ACOT7: variants seen among roughly 807,000 people sequenced by gnomAD.
The protein encoded by ACOT7 is acyl-CoA thioesterase 7, also known as cytosolic acyl coenzyme A thioester hydrolase.
ACOT7 carries 12 observed loss-of-function variants against 40.2 expected under a neutral mutation model. The observed-to-expected ratio is 0.30, with a 90% CI of 0.19 to 0.48. ACOT7 has a LOEUF of 0.48. ACOT7 is among the 20% of genes least tolerant of loss of function. ACOT7 has a pLI of 0.99. For missense variants in ACOT7, 395 were observed against 530.8 expected (o/e 0.74, Z 2.51); for synonymous variants, 228 against 219.5 (o/e 1.04, Z -0.34).
chr1:6,371,284 T>C (rs1451819628), intron 1 of ACOT7, among the ~76,000 whole-genome samples: 1 of 152,122 alleles, frequency 6.6e-6, no homozygotes, highest in African/African-American at 2.4e-5. Context: ...CCCTAGGATT[T>C]TCAGAATAGT....
intron 2 of ACOT7, among the ~76,000 whole-genome samples, chr1:6,342,483 C>T (rs1445809114): frequency 6.6e-6 from 1 of 152,212 alleles, no homozygotes; most frequent in Non-Finnish European, 1.5e-5. Context: ...GAGACAGGAC[C>T]TTGCTGTGTT....
Position 6,275,126 on chromosome 1 carries a change from C to T in ACOT7, c.1014+5976G>A, listed in dbSNP as rs796838696. On this transcript the variant is annotated intron_variant, in intron 8 of 8. Coordinates refer to ENST00000361521, the MANE Select transcript of ACOT7 (RefSeq NM_007274.4). The surrounding 1 kb of genome is among the most constrained non-coding windows in gnomAD (Gnocchi z 5.6). ...GAGGGGTTGGCGTTCCCTGAAGCCT[C>T]CGGCTTCAATGACCTGTACCCAGGC... Among the ~76,000 whole-genome samples, 3 of 152,306 alleles carry T rather than the reference C, an allele frequency of 2.0e-5. No individual in the cohort carries two copies. Among genetic ancestry groups the T allele is most frequent in the African/African-American group, 7.2e-5 (3 of 41,558 alleles).
chr1:6,387,742 C>T (rs1642462373), intron 1 of ACOT7, among the ~76,000 whole-genome samples: 1 of 152,180 alleles, frequency 6.6e-6, no homozygotes, highest in South Asian at 2.1e-4. Context: ...GGCTAAGTGG[C>T]CCACTTACAG....
intron 1 of ACOT7, among the ~76,000 whole-genome samples, chr1:6,370,484 T>C: frequency 6.8e-6 from 1 of 147,816 alleles, no homozygotes; most frequent in Non-Finnish European, 1.5e-5. Flanking sequence ...ATTATTATTA[T>C]TATTATTATT....
Position 6,358,729 on chromosome 1 carries a change from C to T in ACOT7, c.144-8863G>A, listed in dbSNP as rs1266022643. On this transcript the variant is annotated intron_variant, in intron 1 of 8. Transcript: ENST00000361521. This position sits in a 1 kb window ranked among gnomAD's most constrained non-coding sequence, Gnocchi z 4.1. ...CAGCCAGCCTGCTGGGCACAGGGGC[C>T]GAGTCCCCTCTACCCACCCTTCCCT... The T allele has an allele frequency of 4.6e-6, 6 of 1,294,536 alleles. No individual in the cohort carries two copies. The highest frequency in any genetic ancestry group is 1.3e-5 in the South Asian group (1 of 79,648). 80.2% of individuals were successfully genotyped at this position (1,294,536 alleles called of 1,614,324 possible).
At chr1:6,368,647 G>A (rs958767251) in intron 1 of ACOT7, among the ~76,000 whole-genome samples, 2 of 152,294 alleles carry the variant, frequency 1.3e-5, no homozygotes, top group Middle Eastern at 6.8e-3. Context: ...TATTTCCTCT[G>A]CACACCCCTC....
chr1:6,385,647 G>A (rs1032732342), intron 1 of ACOT7: 1 of 1,612,028 alleles, frequency 6.2e-7, no homozygotes, highest in African/African-American at 1.3e-5. Context: ...GAGCCGGAGA[G>A]CCCTGGCAAG....
intron 3 of ACOT7, among the ~76,000 whole-genome samples, chr1:6,334,234 C>A (rs148864177): frequency 1.7e-4 from 26 of 152,358 alleles, no homozygotes; most frequent in African/African-American, 6.3e-4. Flanking sequence ...CTGCTGACAT[C>A]GAACGTCAAA....
At chr1:6,385,747 C>T in intron 1 of ACOT7, 1 of 1,518,522 alleles carries the variant, frequency 6.6e-7, no homozygotes, top group South Asian at 1.3e-5. Context: ...GCCTGGCCGG[C>T]TCAGCAGTGA....
At chr1:6,323,961 C>A (rs1640730525) in intron 5 of ACOT7, among the ~76,000 whole-genome samples, 1 of 151,760 alleles carries the variant, frequency 6.6e-6, no homozygotes, top group Admixed American at 6.6e-5. Flanking sequence ...GATGGCCTCT[C>A]CAGGGCAGAG....
Position 6,264,660 on chromosome 1 carries a change from T to A in ACOT7, c.1050A>T (p.Glu350Asp). ...TCATCTGCAGGTACCGCCCTTTGCC[T>A]TCCTCAAAGCGCTTCTTCTCGTCCT... Reference protein sequence around the residue: ...ETEDEKKRFEEGKGRYLQMKA... With the variant: ...ETEDEKKRFEDGKGRYLQMKA... Residue 350 changes from glutamate (E) to aspartate (D), a missense_variant, in exon 9 of 9, where the codon GAA becomes GAT. Physicochemically the swap from Glu to Asp is conservative, Grantham distance 45 (BLOSUM62 2). This residue lies in a region of ACOT7 where 309 missense variants were observed against 470.3 expected (regional missense o/e 0.66). Transcript: ENST00000361521. 1 of 1,613,490 alleles carries A rather than the reference T, an allele frequency of 6.2e-7. No homozygotes were observed. The highest frequency in any genetic ancestry group is 1.3e-5 in the African/African-American group (1 of 75,066).
At chr1:6,319,113 C>T (rs1640571276) in intron 5 of ACOT7, among the ~76,000 whole-genome samples, 1 of 152,174 alleles carries the variant, frequency 6.6e-6, no homozygotes, top group South Asian at 2.1e-4. Flanking sequence ...CCCAACACTG[C>T]ACTGCTCCTG....
chr1:6,295,035 C>T, intron 6 of ACOT7, 55 bp from the exon 7 acceptor site: 6 of 1,401,830 alleles, frequency 4.3e-6, no homozygotes, highest in Non-Finnish European at 6.0e-6. Flanking sequence ...GAGATTATTT[C>T]ACACCCTGGA....
In ACOT7 at chr1:6,270,609, C is replaced by T. The variant is rs374279745; in HGVS notation, c.1015-5914G>A. Among the ~76,000 whole-genome samples the T allele has an allele frequency of 3.1e-4, 47 of 152,306 alleles. 1 individual carries two copies. The highest frequency in any genetic ancestry group is 1.2e-3 in the Admixed American group (19 of 15,308). ...GCCAGGAGCAGGACTCTGAGTCCCA[C>T]GGGCCCAGCTGTGTGGCCCAGGGCC... On this transcript the variant is annotated intron_variant, in intron 8 of 8. Coordinates refer to ENST00000361521, the MANE Select transcript of ACOT7 (RefSeq NM_007274.4).
chr1:6,375,250 G>C (rs534926294), intron 1 of ACOT7, among the ~76,000 whole-genome samples: 3 of 142,464 alleles, frequency 2.1e-5, no homozygotes, highest in Admixed American at 1.4e-4. Context: ...GCGACAGAGC[G>C]AGACTCCTCT....
intron 8 of ACOT7, among the ~76,000 whole-genome samples, chr1:6,279,293 C>T (rs1201808756): frequency 2.0e-5 from 3 of 150,738 alleles, no homozygotes; most frequent in Admixed American, 6.6e-5. Flanking sequence ...TGCCAAGGGC[C>T]GATGGGTGGC....
chr1:6,371,862 T>C (rs1009504734), intron 1 of ACOT7, among the ~76,000 whole-genome samples: 11 of 151,842 alleles, frequency 7.2e-5, no homozygotes, highest in Admixed American at 2.0e-4. Context: ...CTGGCCAACA[T>C]AGTGAAATCC....
chr1:6,364,094 G>T (rs977588835), intron 1 of ACOT7, among the ~76,000 whole-genome samples: 6 of 152,150 alleles, frequency 3.9e-5, no homozygotes, highest in African/African-American at 1.4e-4. Flanking sequence ...ACTCACACCT[G>T]TAATCCCACC....
At position 6,330,788 on chromosome 1, in the gene ACOT7, C is replaced by T. The variant is rs1162778701; in HGVS notation, c.510+2689G>A. Among the ~76,000 whole-genome samples the T allele has an allele frequency of 1.3e-5, 2 of 152,192 alleles. No individual in the cohort carries two copies. The highest frequency in any genetic ancestry group is 4.8e-5 in the African/African-American group (2 of 41,448). ...CTCTTGGCGCATCGATCCTAAGCGA[C>T]AAGGCAGCAAAAGTGACTGTGTTCA... On this transcript the variant is annotated intron_variant, in intron 4 of 8. Coordinates refer to ENST00000361521, the MANE Select transcript of ACOT7 (RefSeq NM_007274.4). The surrounding 1 kb of genome is among the most constrained non-coding windows in gnomAD (Gnocchi z 4.6).
Sources: allele counts gnomAD v4.1 joint callset (sites outside exome capture counted in the v4.1 genomes callset), GRCh38; gene constraint gnomAD v4.1.1; regional missense constraint gnomAD v4.1.1; non-coding constraint Gnocchi (gnomAD v3.1); transcripts MANE v1.5; gene names NCBI Gene and HGNC (gene_info 2026-07-23, HGNC 2026-07-21).